Variants in FNIP1 observed in about 807,000 individuals in gnomAD.
FNIP1 encodes folliculin interacting protein 1, also known as folliculin-interacting protein 1.
FNIP1 carries 40 observed loss-of-function variants against 124.5 expected under a neutral mutation model. The ratio of observed to expected loss-of-function variants is 0.32; its 90% CI spans 0.25 to 0.42. The LOEUF is 0.42. FNIP1 is among the 10% of genes least tolerant of loss of function. The pLI, the probability that FNIP1 is intolerant of heterozygous loss-of-function variation, is 1.00. For missense variants in FNIP1, 1,176 were observed against 1,403.7 expected (o/e 0.84, Z 2.59); for synonymous variants, 472 against 470.6 (o/e 1.00, Z -0.04).
chr5:131,733,593 G>C (rs1770178951), intron 2 of FNIP1, among the ~76,000 whole-genome samples: 1 of 152,126 alleles, frequency 6.6e-6, no homozygotes, highest in African/African-American at 2.4e-5. Context: ...TAATCACGTG[G>C]TTTTTGTCTT....
chr5:131,708,338 TAAC>T (rs1018633970), intron 8 of FNIP1, among the ~76,000 whole-genome samples: 2 of 152,218 alleles, frequency 1.3e-5, no homozygotes, highest in Admixed American at 6.5e-5. Context: ...CCATATAATG[TAAC>T]AACACATGCT....
chr5:131,779,511 C>G (rs1771925348), intron 1 of FNIP1, among the ~76,000 whole-genome samples: 1 of 146,718 alleles, frequency 6.8e-6, no homozygotes, highest in African/African-American at 2.5e-5. Flanking sequence ...AACCCCACTT[C>G]TAGTTAAAAA....
At position 131,671,771 on chromosome 5, in the gene FNIP1, A is replaced by G; in HGVS notation, c.2673T>C (p.Val891=). 1 of 1,614,076 alleles carries G rather than the reference A, an allele frequency of 6.2e-7. No individual in the cohort carries two copies. Among genetic ancestry groups the G allele is most frequent in the Non-Finnish European group, 8.5e-7 (1 of 1,180,006 alleles). The change falls in exon 14 of 18, where the codon GTT becomes GTC. Residue 891 remains valine, a synonymous_variant. Coordinates refer to ENST00000510461, the MANE Select transcript of FNIP1 (RefSeq NM_133372.3). ...AGCAGGTTTTACATGAATCTTGGGG[A>G]ACTGTTTCTATACATTTACAAAATT... ...NNEFCKCIET[V]PQDSCKTCFP... is the part of the protein sequence containing the mutation.
intron 1 of FNIP1, among the ~76,000 whole-genome samples, chr5:131,757,843 C>T (rs1251055071): frequency 2.0e-5 from 3 of 152,140 alleles, no homozygotes; most frequent in Non-Finnish European, 4.4e-5. Context: ...ATGAAAATAA[C>T]ATAGCTTTAT....
At chr5:131,689,140 T>C (rs1157872152) in intron 11 of FNIP1, among the ~76,000 whole-genome samples, 1 of 114,018 alleles carries the variant, frequency 8.8e-6, no homozygotes, top group Non-Finnish European at 2.1e-5. Context: ...AGAGTTCTTG[T>C]TAGAAACTAT....
intron 10 of FNIP1, among the ~76,000 whole-genome samples, chr5:131,702,762 T>C (rs898496655): frequency 3.3e-5 from 5 of 152,254 alleles, no homozygotes; most frequent in Non-Finnish European, 7.3e-5. Context: ...CAGTAGCAAC[T>C]GACAAAAGTG....
chr5:131,767,740 G>A (rs908523611), intron 1 of FNIP1, among the ~76,000 whole-genome samples: 2 of 152,020 alleles, frequency 1.3e-5, no homozygotes, highest in Non-Finnish European at 2.9e-5. Context: ...TCTATCTAAG[G>A]AATTATAATT....
chr5:131,677,994 GGAGAAGA>G, intron 12 of FNIP1, 122 bp from the exon 13 acceptor site: 1 of 867,536 alleles, frequency 1.2e-6, no homozygotes, highest in Non-Finnish European at 1.7e-6. Context: ...ACCAAAAAAA[GGAGAAGA>G]GAGAGGAAAG....
intron 13 of FNIP1, among the ~76,000 whole-genome samples, chr5:131,673,881 C>T (rs1362477771): frequency 2.6e-5 from 4 of 151,588 alleles, no homozygotes; most frequent in Admixed American, 2.0e-4. Context: ...ACTAAAAATA[C>T]AAAAACTAGC....
At chr5:131,739,743 G>A (rs1459177464) in intron 2 of FNIP1, among the ~76,000 whole-genome samples, 2 of 150,830 alleles carry the variant, frequency 1.3e-5, no homozygotes, top group Non-Finnish European at 2.9e-5. Context: ...AACCCAGGAG[G>A]CGGAGCTTGT....
At chr5:131,778,938 T>C (rs1283721806) in intron 1 of FNIP1, among the ~76,000 whole-genome samples, 57 of 114,524 alleles carry the variant, frequency 5.0e-4, no homozygotes, top group Middle Eastern at 4.1e-3. Context: ...TAGGTGGGAA[T>C]TGAACAATGA....
Position 131,710,540 on chromosome 5 carries a change from G to A in FNIP1, c.706+38C>T. On this transcript the variant is annotated intron_variant, in intron 7 of 17. Coordinates refer to ENST00000510461, the MANE Select transcript of FNIP1 (RefSeq NM_133372.3). The stretch of plus-strand genomic sequence containing the variant: ...TTAACTACAGATTCTAGCCGTTGGG[G>A]CACACCAACTAGTCTACCCACACAG... 6 of 1,587,144 alleles carry A rather than the reference G, an allele frequency of 3.8e-6. No individual in the cohort carries two copies. The South Asian group carries it at 5.6e-5, about 15-fold the overall frequency.
At chr5:131,785,691 C>T (rs780966774) in intron 1 of FNIP1, among the ~76,000 whole-genome samples, 64 of 152,102 alleles carry the variant, frequency 4.2e-4, no homozygotes, top group Non-Finnish European at 8.2e-4. Flanking sequence ...AAAAAATGTT[C>T]AGGCATTTCG....
intron 1 of FNIP1, among the ~76,000 whole-genome samples, chr5:131,783,492 A>AGGCTGTCCCTG (rs1561706554): frequency 2.6e-5 from 4 of 152,028 alleles, no homozygotes; most frequent in African/African-American, 9.7e-5. Flanking sequence ...TCAATACGGG[A>AGGCTGTCCCTG]GACTGTCCCT....
chr5:131,789,738 T>C (rs934220373), intron 1 of FNIP1, among the ~76,000 whole-genome samples: 4 of 152,254 alleles, frequency 2.6e-5, no homozygotes, highest in African/African-American at 9.6e-5. Context: ...CACTTTCTTT[T>C]CTTGGCTTCC....
At position 131,672,240 on chromosome 5, in the gene FNIP1, T is replaced by C; in HGVS notation, c.2204A>G (p.Asp735Gly). The change falls in exon 14 of 18, where the codon GAT becomes GGT. Residue 735 changes from aspartate (D) to glycine (G), a missense_variant. By Grantham distance (94) the Asp-to-Gly change is moderately conservative. This residue lies in a region of FNIP1 where 1,109 missense variants were observed against 1,288.5 expected (regional missense o/e 0.86). Transcript: ENST00000510461. ...AGAAAATGAAGCAGGCACAATCTTA[T>C]CTGGAGGTTTTTTTTCCACAACCAT... ...TGMVVEKKPPDKIVPASFSCE... is the reference protein window; with the variant it reads ...TGMVVEKKPPGKIVPASFSCE... 3.1e-6 allele frequency: 5 copies of C among 1,614,198 alleles called. No homozygotes were observed. The highest frequency in any genetic ancestry group is 4.2e-6 in the Non-Finnish European group (5 of 1,180,032).
chr5:131,796,879 C>T lies in FNIP1; in HGVS notation c.43G>A (p.Gly15Arg), dbSNP rs1772628344. 12 of 1,608,782 alleles carry T rather than the reference C, an allele frequency of 7.5e-6. No homozygotes were observed. The South Asian group carries it at 1.1e-4, about 15-fold the overall frequency. ...LFQKLFSKRT[G>R]LGAPGRDARD... ...GCGTCGCGGCCGGGCGCGCCCAGCC[C>T]GGTCCTCTTGCTGAAGAGCTTCTGG... Residue 15 changes from glycine (G) to arginine (R), a missense_variant, in exon 1 of 18, where the codon GGG becomes AGG. Physicochemically the swap from Gly to Arg is moderately radical, Grantham distance 125. This residue lies in a region of FNIP1 where 1,109 missense variants were observed against 1,288.5 expected (regional missense o/e 0.86). Coordinates refer to ENST00000510461, the MANE Select transcript of FNIP1 (RefSeq NM_133372.3).
At chr5:131,705,313 G>GA (rs796767543) in intron 9 of FNIP1, among the ~76,000 whole-genome samples, 57 of 141,344 alleles carry the variant, frequency 4.0e-4, no homozygotes, top group Middle Eastern at 3.7e-3. Context: ...TAAAAAAAAA[G>GA]AAAAAAAAAA....
At chr5:131,706,354 T>C in intron 9 of FNIP1, 57 bp downstream of exon 9, 2 of 1,461,926 alleles carry the variant, frequency 1.4e-6, no homozygotes, top group Non-Finnish European at 1.8e-6. Context: ...AAAACCCATA[T>C]AAAATTGTGT....
Sources: gnomAD v4.1 joint callset for allele counts (sites outside exome capture counted in the v4.1 genomes callset) on GRCh38, gnomAD v4.1.1 for gene constraint, gnomAD v4.1.1 regional missense constraint, MANE v1.5 for transcripts, NCBI Gene and HGNC (gene_info 2026-07-23, HGNC 2026-07-21) for gene names.